PRELID2: variants seen among roughly 807,000 people sequenced by gnomAD.
PRELID2 encodes the protein PRELI domain containing 2.
PRELID2 carries 25 observed loss-of-function variants against 28.4 expected under a neutral mutation model. The ratio of observed to expected loss-of-function variants is 0.88; its 90% CI spans 0.64 to 1.23. The LOEUF is 1.23. Among genes scored for constraint, PRELID2 ranks in the 50% most tolerant of loss-of-function variants. The pLI, the probability that PRELID2 is intolerant of heterozygous loss-of-function variation, is 0.00. For synonymous variants in PRELID2, 76 were observed against 71.6 expected, an observed-to-expected ratio of 1.06 and a Z score of -0.31; for missense variants, 201 against 214.4, an observed-to-expected ratio of 0.94 and a Z score of 0.39.
the PRELID2 span, among the ~76,000 whole-genome samples, chr5:145,231,684 C>T: frequency 1.8e-4 from 27 of 152,026 alleles, no homozygotes; most frequent in African/African-American, 5.5e-4. Flanking sequence ...TATCTGAGCA[C>T]GTTCAACTTT....
chr5:145,561,343 A>AT lies in PRELID2; in HGVS notation n.71-88029dup, dbSNP rs1032787978. ...TTTCTTTTCTGTATTGGTGCATGCC[A>AT]TCTTGGTTCAAGTGAGTGCCGACAA... On this transcript the variant is annotated intron_variant and non_coding_transcript_variant, in intron 1 of 2. Transcript: ENST00000510259. 6.8e-4 allele frequency among the ~76,000 whole-genome samples: 103 copies of AT among 152,132 alleles called. 1 individual carries two copies. Among genetic ancestry groups the AT allele is most frequent in the African/African-American group, 2.4e-3 (99 of 41,500 alleles).
chr5:145,397,108 C>A, the PRELID2 span, among the ~76,000 whole-genome samples: 1 of 152,080 alleles, frequency 6.6e-6, no homozygotes, highest in Non-Finnish European at 1.5e-5. Context: ...ATGAGTCAGA[C>A]CCCTATCCTG....
the PRELID2 span, among the ~76,000 whole-genome samples, chr5:145,341,916 T>G: frequency 6.6e-6 from 1 of 152,292 alleles, no homozygotes; most frequent in South Asian, 2.1e-4. Flanking sequence ...GCAATCCCCA[T>G]GCAGATAAAA....
At position 145,517,435 on chromosome 5, in the gene PRELID2, A is replaced by T. The variant is rs569697449; in HGVS notation, n.71-44120T>A. 4.6e-5 allele frequency among the ~76,000 whole-genome samples: 7 copies of T among 152,318 alleles called. No homozygotes were observed. In the South Asian group the frequency reaches 8.3e-4, roughly 18 times the overall value. On this transcript the variant is annotated intron_variant and non_coding_transcript_variant, in intron 1 of 2. Coordinates refer to the PRELID2 transcript ENST00000510259. The stretch of plus-strand genomic sequence containing the variant: ...TACAGAAATGCAAATCAAAACCACG[A>T]TGAGATACCATCTCATGCCAGTTAA...
the PRELID2 span, among the ~76,000 whole-genome samples, chr5:145,253,601 C>T: frequency 3.3e-5 from 5 of 152,022 alleles, no homozygotes; most frequent in African/African-American, 4.8e-5. Context: ...AATCTGTCAG[C>T]CATCTCTGTG....
intron 4 of PRELID2, among the ~76,000 whole-genome samples, chr5:145,800,389 C>A (rs1055437377): frequency 6.6e-6 from 1 of 151,848 alleles, no homozygotes; most frequent in Admixed American, 6.6e-5. Context: ...AGTTTTCACC[C>A]CTTAGATTTA....
At chr5:145,696,045 C>T (rs1338071436) in intron 1 of PRELID2, among the ~76,000 whole-genome samples, 2 of 151,470 alleles carry the variant, frequency 1.3e-5, no homozygotes, top group Non-Finnish European at 2.9e-5. Context: ...CTCGATATAA[C>T]TCTTTCTAAA....
chr5:145,740,786 T>C (rs1756670631), intron 1 of PRELID2, among the ~76,000 whole-genome samples: 1 of 118,226 alleles, frequency 8.5e-6, no homozygotes, highest in African/African-American at 3.3e-5. Flanking sequence ...TATTTATACA[T>C]ATCTTTATAC....
At chr5:145,390,025 C>T in the PRELID2 span, among the ~76,000 whole-genome samples, 1 of 152,146 alleles carries the variant, frequency 6.6e-6, no homozygotes, top group Non-Finnish European at 1.5e-5. Context: ...AATCTTGAAA[C>T]AAATCTGCCT....
chr5:145,512,902 T>A (rs1752473507), intron 1 of PRELID2, among the ~76,000 whole-genome samples: 1 of 151,972 alleles, frequency 6.6e-6, no homozygotes, highest in South Asian at 2.1e-4. Context: ...GGACTGACTG[T>A]TAGAAGGAAA....
Position 145,817,210 on chromosome 5 carries a change from A to ATAT in PRELID2, c.368+683_368+684insATA, listed in dbSNP as rs1561643788. 1.3e-4 allele frequency among the ~76,000 whole-genome samples: 9 copies of ATAT among 67,950 alleles called. 1 individual carries two copies. The highest frequency in any genetic ancestry group is 5.1e-4 in the South Asian group (1 of 1,952). The allele number at this position is 67,950 out of a possible 152,430, so 44.6% of individuals were successfully genotyped here. A position where few individuals can be genotyped will look rare whatever the true frequency, so the allele number is the denominator to read the frequency against. Reference sequence around the variant, plus strand: ...CATTTCAAAAAAAAATAAATAAATAAATAAAAAAAAATATATATATATATA... The same window carrying ATAT: ...CATTTCAAAAAAAAATAAATAAATAATATATAAAAAAAAATATATATATATATA... On this transcript the variant is annotated intron_variant, in intron 4 of 6. Transcript: ENST00000683046.
chr5:145,397,160 G>T, the PRELID2 span, among the ~76,000 whole-genome samples: 1 of 152,056 alleles, frequency 6.6e-6, no homozygotes, highest in African/African-American at 2.4e-5. Flanking sequence ...GAGAACAGGG[G>T]ATGTTATTAG....
intron 4 of PRELID2, among the ~76,000 whole-genome samples, chr5:145,817,421 T>TA (rs1754428343): frequency 9.7e-6 from 1 of 103,596 alleles, no homozygotes; most frequent in East Asian, 2.5e-4. Context: ...TAAGCTAGTT[T>TA]TATATATATA....
chr5:145,788,091 G>C (rs556226349), intron 5 of PRELID2, among the ~76,000 whole-genome samples: 2 of 152,272 alleles, frequency 1.3e-5, no homozygotes, highest in South Asian at 4.1e-4. Context: ...TGAGGTCTGA[G>C]ATCATGACTT....
In PRELID2 at chr5:145,782,065, T is replaced by C. The variant is rs139778142; in HGVS notation, c.474+14377A>G. On this transcript the variant is annotated intron_variant, in intron 5 of 6. Transcript: ENST00000683046. ...ATCTCTTTGGAGAGATTAGAGGAACTAGTGGGTGTGAGAGTAGAGGAACAC... is the reference window on the plus strand; with the variant it reads ...ATCTCTTTGGAGAGATTAGAGGAACCAGTGGGTGTGAGAGTAGAGGAACAC... Among the ~76,000 whole-genome samples the C allele has an allele frequency of 4.8e-3, 729 of 152,242 alleles. 4 individuals are homozygous for C. The highest frequency in any genetic ancestry group is 0.016 in the African/African-American group (680 of 41,534).
At chr5:145,734,344 A>C (rs779083289) in intron 1 of PRELID2, among the ~76,000 whole-genome samples, 1 of 152,180 alleles carries the variant, frequency 6.6e-6, no homozygotes, top group Admixed American at 6.6e-5. Context: ...AAGGTATTAC[A>C]TTTGTGTTGT....
intron 5 of PRELID2, among the ~76,000 whole-genome samples, chr5:145,785,615 AT>A (rs1282664804): frequency 1.3e-5 from 2 of 152,306 alleles, no homozygotes; most frequent in East Asian, 3.9e-4. Flanking sequence ...AAAGGCTTTG[AT>A]TATTAGCACA....
the PRELID2 span, among the ~76,000 whole-genome samples, chr5:145,313,910 G>A: frequency 7.9e-5 from 12 of 152,146 alleles, no homozygotes; most frequent in African/African-American, 2.7e-4. Flanking sequence ...TTTAAGCAGA[G>A]AAAAGAATCT....
chr5:145,794,670 C>T (rs1359878534), intron 5 of PRELID2, among the ~76,000 whole-genome samples: 1 of 152,038 alleles, frequency 6.6e-6, no homozygotes, highest in African/African-American at 2.4e-5. Flanking sequence ...ATCGGGTATG[C>T]TTATCTTTTA....
Sources: gnomAD v4.1 joint callset for allele counts (sites outside exome capture counted in the v4.1 genomes callset) on GRCh38, gnomAD v4.1.1 for gene constraint, MANE v1.5 for transcripts, NCBI Gene and HGNC (gene_info 2026-07-23, HGNC 2026-07-21) for gene names.